CHKA: variants seen among roughly 807,000 people sequenced by gnomAD.
CHKA encodes choline kinase alpha, also known as CHETK-alpha.
Under a neutral mutation model 60.1 loss-of-function variants are expected in CHKA, and 34 were observed. The observed-to-expected ratio is 0.57, with a 90% CI of 0.43 to 0.75. The LOEUF is 0.75. Ranked by LOEUF, CHKA falls within the 30% of genes least tolerant of loss-of-function variation. The pLI is 0.00. For synonymous variants in CHKA, 217 were observed against 223.1 expected, an observed-to-expected ratio of 0.97 and a Z score of 0.24; for missense variants, 563 against 561.3, an observed-to-expected ratio of 1.00 and a Z score of -0.03.
intron 1 of CHKA, among the ~76,000 whole-genome samples, chr11:68,099,423 T>C (rs1409085910): frequency 2.6e-5 from 4 of 152,228 alleles, no homozygotes; most frequent in African/African-American, 9.6e-5. Context: ...TAAGAGGTTT[T>C]TTCAAAGGTT....
chr11:68,097,342 T>C (rs757445870), intron 1 of CHKA, among the ~76,000 whole-genome samples: 44 of 152,156 alleles, frequency 2.9e-4, no homozygotes, highest in Non-Finnish European at 6.0e-4. Context: ...GTTTTTGAAA[T>C]TGCCCGTGTG....
chr11:68,093,737 C>T (rs1267243348), intron 2 of CHKA, among the ~76,000 whole-genome samples: 1 of 152,198 alleles, frequency 6.6e-6, no homozygotes, highest in East Asian at 1.9e-4. Context: ...AAGTAGTAGG[C>T]TATGCTGCAG....
intron 1 of CHKA, among the ~76,000 whole-genome samples, chr11:68,097,953 G>T (rs1857567650): frequency 6.6e-6 from 1 of 152,090 alleles, no homozygotes; most frequent in African/African-American, 2.4e-5. Context: ...AGGCAAAGCT[G>T]GAGAGCACCA....
At chr11:68,106,605 T>C (rs75592015) in intron 1 of CHKA, among the ~76,000 whole-genome samples, 6,561 of 150,862 alleles carry the variant, frequency 0.043, 192 homozygotes, top group Middle Eastern at 0.084. Flanking sequence ...CTGCACAAAA[T>C]AGCTGTGCAG....
At chr11:68,073,118 A>C (rs1856676920) in intron 4 of CHKA, among the ~76,000 whole-genome samples, 2 of 152,144 alleles carry the variant, frequency 1.3e-5, no homozygotes, top group African/African-American at 4.8e-5. Flanking sequence ...TTTTGTCCCC[A>C]AGATATTTTT....
intron 1 of CHKA, among the ~76,000 whole-genome samples, chr11:68,108,520 G>A (rs1590880622): frequency 6.6e-6 from 1 of 152,216 alleles, no homozygotes; most frequent in East Asian, 1.9e-4. Flanking sequence ...CAAGGCGGGA[G>A]GATCACGAGG....
At chr11:68,112,975 G>A (rs1858221853) in intron 1 of CHKA, among the ~76,000 whole-genome samples, 2 of 150,738 alleles carry the variant, frequency 1.3e-5, no homozygotes, top group Admixed American at 1.3e-4. Context: ...CCAGCTACTC[G>A]GGAGGCTGAG....
At chr11:68,116,831 G>GGTCA (rs1858402494) in intron 1 of CHKA, among the ~76,000 whole-genome samples, 1 of 152,104 alleles carries the variant, frequency 6.6e-6, no homozygotes, top group Admixed American at 6.5e-5. Context: ...TTTTCTAAGT[G>GGTCA]GTCAGCTCAT....
chr11:68,079,716 T>TA (rs1856914207), intron 3 of CHKA, among the ~76,000 whole-genome samples: 4 of 152,086 alleles, frequency 2.6e-5, no homozygotes. Context: ...AAAATTCACA[T>TA]AAAAAAGACT....
chr11:68,121,057 T>C lies in CHKA; in HGVS notation c.121A>G (p.Ser41Gly), dbSNP rs990495905. The change falls in exon 1 of 12, where the codon AGC (serine) becomes GGC (glycine). Residue 41 changes from serine to glycine, a missense_variant. Transcript: ENST00000265689. ...CCCAGCTGCTTGGACTCGAGGTCGC[T>C]GGCGGCGTCGCGCTGCTGCCCCACG... ...PGVGQQRDAA[S>G]DLESKQLGGQ... 19 of 1,080,884 alleles carry C rather than the reference T, an allele frequency of 1.8e-5. No homozygotes were observed. Among genetic ancestry groups the C allele is most frequent in the African/African-American group, 1.7e-4 (10 of 58,508 alleles). The allele number at this position is 1,080,884 out of a possible 1,614,324, so 67.0% of individuals were successfully genotyped here. A position where few individuals can be genotyped will look rare whatever the true frequency, so the allele number is the denominator to read the frequency against.
At chr11:68,069,684 T>C (rs1276345690) in intron 6 of CHKA, among the ~76,000 whole-genome samples, 1 of 96,486 alleles carries the variant, frequency 1.0e-5, no homozygotes, top group Non-Finnish European at 2.2e-5. Flanking sequence ...CTCCGTCTTA[T>C]AAAAAAAAAA....
intron 3 of CHKA, among the ~76,000 whole-genome samples, chr11:68,077,260 A>T (rs1443101579): frequency 1.3e-5 from 2 of 152,168 alleles, no homozygotes; most frequent in Non-Finnish European, 2.9e-5. Flanking sequence ...AAAATGAAAG[A>T]GAACACCCAG....
chr11:68,056,303 ATC>A (rs1273270021), intron 11 of CHKA, among the ~76,000 whole-genome samples: 1 of 151,996 alleles, frequency 6.6e-6, no homozygotes, highest in African/African-American at 2.4e-5. Context: ...AGTAAACAGA[ATC>A]TCTCTCTCTG....
At chr11:68,064,094 T>C (rs907144759) in intron 10 of CHKA, among the ~76,000 whole-genome samples, 3 of 152,096 alleles carry the variant, frequency 2.0e-5, no homozygotes, top group African/African-American at 7.2e-5. Context: ...AAAGTGCAAG[T>C]CCTAAAGATG....
At chr11:68,061,084 T>C (rs1335124224) in intron 11 of CHKA, among the ~76,000 whole-genome samples, 2 of 150,260 alleles carry the variant, frequency 1.3e-5, no homozygotes, top group Non-Finnish European at 1.5e-5. Context: ...TCTATTTCTA[T>C]GTCAGTGACA....
At chr11:68,087,037 T>A (rs1857202804) in intron 2 of CHKA, among the ~76,000 whole-genome samples, 1 of 152,176 alleles carries the variant, frequency 6.6e-6, no homozygotes, top group Admixed American at 6.5e-5. Context: ...ACATTTATCT[T>A]CAAAGTATCT....
intron 11 of CHKA, among the ~76,000 whole-genome samples, chr11:68,056,839 G>A (rs1252955048): frequency 1.3e-5 from 2 of 151,454 alleles, no homozygotes; most frequent in East Asian, 3.9e-4. Flanking sequence ...GTGAGACCCT[G>A]TCTTAAAAAA....
chr11:68,121,179 C>A lies in CHKA; in HGVS notation c.-2G>T. ...CCCGGTGCAGAATTTGGTTTTCATG[C>A]CCGACAGGCGGCCGAGGAGGCGCGG... On this transcript the variant is annotated 5_prime_UTR_variant, in exon 1 of 12. Transcript: ENST00000265689. 8.4e-7 allele frequency: 1 copy of A among 1,186,736 alleles called. No individual in the cohort carries two copies. Among genetic ancestry groups the A allele is most frequent in the Non-Finnish European group, 1.0e-6 (1 of 952,518 alleles). 73.5% of individuals were successfully genotyped at this position (1,186,736 alleles called of 1,614,324 possible). A position where few individuals can be genotyped will look rare whatever the true frequency, so the allele number is the denominator to read the frequency against.
chr11:68,107,947 T>C (rs1016453966), intron 1 of CHKA, among the ~76,000 whole-genome samples: 3 of 152,114 alleles, frequency 2.0e-5, no homozygotes, highest in Non-Finnish European at 2.9e-5. Context: ...TACGATCTCA[T>C]TGTGGAAAAC....
Sources: gnomAD v4.1 joint callset for allele counts (sites outside exome capture counted in the v4.1 genomes callset) on GRCh38, gnomAD v4.1.1 for gene constraint, MANE v1.5 for transcripts, NCBI Gene and HGNC (gene_info 2026-07-23, HGNC 2026-07-21) for gene names.